TAF4: variants seen among roughly 807,000 people sequenced by gnomAD.
TAF4 encodes the protein TATA-box binding protein associated factor 4.
A neutral mutation model predicts 90.3 loss-of-function variants in TAF4; 9 were observed. That is an observed-to-expected ratio of 0.10 (90% CI 0.06 to 0.17). The LOEUF is 0.17. TAF4 is among the 10% of genes least tolerant of loss of function. TAF4 has a pLI of 1.00. For synonymous variants in TAF4, 818 were observed against 638.9 expected (o/e 1.28, Z -4.23); for missense variants, 1,351 against 1,370.7 (o/e 0.99, Z 0.23).
Position 62,064,682 on chromosome 20 carries a change from G to T in TAF4, c.1129C>A (p.Pro377Thr). The T allele has an allele frequency of 7.9e-7, 1 of 1,267,180 alleles. No homozygotes were observed. The highest frequency in any genetic ancestry group is 9.9e-7 in the Non-Finnish European group (1 of 1,011,404). 78.5% of individuals were successfully genotyped at this position (1,267,180 alleles called of 1,614,324 possible). A position where few individuals can be genotyped will look rare whatever the true frequency, so the allele number is the denominator to read the frequency against. ...CTGGGCAGCGCCCCTTGCATAGTTG[G>T]CCCGATGACCATGCTGGCCGCCGTG... ...ASTAASMVIG[P>T]TMQGALPSPA... The change falls in exon 1 of 15, where the codon CCA (proline) becomes ACA (threonine). Residue 377 changes from proline to threonine, a missense_variant. By Grantham distance (38) the Pro-to-Thr change is conservative. Coordinates refer to ENST00000252996, the MANE Select transcript of TAF4 (RefSeq NM_003185.4).
chr20:62,041,315 CTATT>C (rs1356850832), intron 1 of TAF4, among the ~76,000 whole-genome samples: 1 of 152,192 alleles, frequency 6.6e-6, no homozygotes, highest in Non-Finnish European at 1.5e-5. Context: ...ATGTTAACCT[CTATT>C]TAAAGGAGAG....
chr20:62,003,964 C>A, intron 7 of TAF4, 86 bp from the exon 8 acceptor site: 1 of 1,458,094 alleles, frequency 6.9e-7, no homozygotes, highest in Non-Finnish European at 9.0e-7. Context: ...CTTCCCTTCC[C>A]TTCCTTTGCA....
chr20:62,064,805 CA>C lies in TAF4; in HGVS notation c.1005del (p.Ala336ArgfsTer73). 7 of 997,298 alleles carry C rather than the reference CA, an allele frequency of 7.0e-6. No homozygotes were observed. The highest frequency in any genetic ancestry group is 8.3e-6 in the Non-Finnish European group (7 of 840,070). The allele number at this position is 997,298 out of a possible 1,614,324, so 61.8% of individuals were successfully genotyped here. A position where few individuals can be genotyped will look rare whatever the true frequency, so the allele number is the denominator to read the frequency against. On this transcript the variant is annotated frameshift_variant, in exon 1 of 15. Coordinates refer to ENST00000252996, the MANE Select transcript of TAF4 (RefSeq NM_003185.4). LOFTEE classifies it high-confidence loss of function. ...VSGQPGPGAA[A>X]AAPAPGVKAE... The stretch of plus-strand genomic sequence containing the variant: ...GCCTTGACCCCCGGCGCCGGCGCCG[CA>C]GCCGCCGCGCCGGGCCCGGGTTGGC...
intron 9 of TAF4, among the ~76,000 whole-genome samples, chr20:62,001,098 G>A (rs1489868618): frequency 6.6e-6 from 1 of 152,228 alleles, no homozygotes; most frequent in African/African-American, 2.4e-5. Flanking sequence ...TCAGAAGTTG[G>A]AAGAAGAGTA....
At chr20:61,994,882 C>A (rs2055653809) in intron 14 of TAF4, among the ~76,000 whole-genome samples, 1 of 152,180 alleles carries the variant, frequency 6.6e-6, no homozygotes, top group Non-Finnish European at 1.5e-5. Context: ...GTCCAGCCTG[C>A]CCGAGTAACA....
intron 1 of TAF4, among the ~76,000 whole-genome samples, chr20:62,016,269 T>C (rs2055811567): frequency 6.6e-6 from 1 of 152,222 alleles, no homozygotes; most frequent in Non-Finnish European, 1.5e-5. Flanking sequence ...GAGTGTCAAC[T>C]TGATTGAAGA....
Position 61,976,156 on chromosome 20 carries a change from C to A in TAF4, c.*12G>T, listed in dbSNP as rs1309168307. The A allele has an allele frequency of 1.2e-6, 2 of 1,612,780 alleles. No homozygotes were observed. Among genetic ancestry groups the A allele is most frequent in the Non-Finnish European group, 1.7e-6 (2 of 1,178,906 alleles). ...TGCAAATATATAAAAAGTCCCCAGG[C>A]GTCCTCCTGTGTCACTTAAGGAATG... On this transcript the variant is annotated 3_prime_UTR_variant, in exon 15 of 15. Transcript: ENST00000252996.
chr20:61,998,290 G>C (rs192895242), intron 12 of TAF4, 98 bp from the exon 13 acceptor site: 59 of 1,271,766 alleles, frequency 4.6e-5, no homozygotes, highest in Non-Finnish European at 5.8e-5. Context: ...TAACATCTAG[G>C]TAATGTTAAA....
intron 14 of TAF4, among the ~76,000 whole-genome samples, chr20:61,988,532 A>G (rs1324725450): frequency 2.0e-5 from 3 of 152,208 alleles, no homozygotes; most frequent in African/African-American, 7.2e-5. Flanking sequence ...AGAATTCAAA[A>G]GTAAAAGTTA....
At chr20:62,004,790 T>C (rs2055733810) in intron 7 of TAF4, 1 of 152,346 alleles carries the variant, frequency 6.6e-6, no homozygotes, top group African/African-American at 2.4e-5. Flanking sequence ...TGGCAGGGTC[T>C]GCCCAGCTCT....
intron 14 of TAF4, among the ~76,000 whole-genome samples, chr20:61,985,507 T>A (rs2055582692): frequency 6.6e-6 from 1 of 152,076 alleles, no homozygotes; most frequent in South Asian, 2.1e-4. Context: ...TGTACTATTT[T>A]GACCTGTGAG....
At chr20:61,984,227 G>T (rs2055568623) in intron 14 of TAF4, among the ~76,000 whole-genome samples, 1 of 152,132 alleles carries the variant, frequency 6.6e-6, no homozygotes, top group East Asian at 1.9e-4. Flanking sequence ...CACAGACGCT[G>T]ACTGCACCAC....
At chr20:62,051,305 T>C (rs1157979898) in intron 1 of TAF4, among the ~76,000 whole-genome samples, 1 of 152,058 alleles carries the variant, frequency 6.6e-6, no homozygotes, top group African/African-American at 2.4e-5. Flanking sequence ...GGTGCTCAGC[T>C]CTTGACGTGG....
chr20:62,029,264 A>T (rs187318382), intron 1 of TAF4, among the ~76,000 whole-genome samples: 240 of 152,108 alleles, frequency 1.6e-3, no homozygotes, highest in African/African-American at 5.2e-3. Flanking sequence ...TGTTGTACTC[A>T]TTCTTTTAAG....
chr20:61,997,821 T>C, intron 13 of TAF4, 152 bp from the exon 14 acceptor site: 1 of 1,071,568 alleles, frequency 9.3e-7, no homozygotes, highest in Non-Finnish European at 1.3e-6. Context: ...GCATATTCTA[T>C]AATCCAAAAA....
intron 14 of TAF4, chr20:61,980,229 A>G (rs2055531110): frequency 6.6e-6 from 1 of 152,250 alleles, no homozygotes; most frequent in South Asian, 2.1e-4. Flanking sequence ...TGCCATAGAC[A>G]CTCAGTATCG....
chr20:62,024,785 G>A (rs1044902406), intron 1 of TAF4, among the ~76,000 whole-genome samples: 3 of 151,958 alleles, frequency 2.0e-5, no homozygotes, highest in African/African-American at 7.3e-5. Context: ...CACGAAAATC[G>A]CGTGAACCCA....
At chr20:62,004,877 T>C (rs968510112) in intron 7 of TAF4, 36 of 152,346 alleles carry the variant, frequency 2.4e-4, no homozygotes, top group African/African-American at 8.7e-4. Context: ...CCATGGCCTA[T>C]GCTCTGGCCC....
chr20:62,046,028 C>T (rs1308717940), intron 1 of TAF4, among the ~76,000 whole-genome samples: 1 of 152,236 alleles, frequency 6.6e-6, no homozygotes, highest in Admixed American at 6.5e-5. Context: ...GTTAACTAGG[C>T]TGTTTCCCGC....
Sources: gnomAD v4.1 joint callset for allele counts (sites outside exome capture counted in the v4.1 genomes callset) on GRCh38, gnomAD v4.1.1 for gene constraint, MANE v1.5 for transcripts, NCBI Gene and HGNC (gene_info 2026-07-23, HGNC 2026-07-21) for gene names.